Variants in SRGAP3 observed in about 807,000 individuals in gnomAD.
The protein encoded by SRGAP3 is SLIT-ROBO Rho GTPase activating protein 3.
A neutral mutation model predicts 121.1 loss-of-function variants in SRGAP3; 39 were observed. The observed-to-expected ratio is 0.32, with a 90% CI of 0.25 to 0.42. SRGAP3 has a LOEUF of 0.42. Ranked by LOEUF, SRGAP3 falls within the 10% of genes least tolerant of loss-of-function variation. SRGAP3 has a pLI of 1.00. For missense variants in SRGAP3, 1,213 were observed against 1,470.6 expected, an observed-to-expected ratio of 0.82 and a Z score of 2.86; for synonymous variants, 601 against 570.0, an observed-to-expected ratio of 1.05 and a Z score of -0.77.
At chr3:9,251,945 C>T (rs1024378766), upstream of SRGAP3, among the ~76,000 whole-genome samples, 6 of 152,138 alleles carry the variant, frequency 3.9e-5, no homozygotes, top group Non-Finnish European at 7.4e-5. Context: ...GGATCCAACA[C>T]GATCATGGAT....
intron 1 of SRGAP3, among the ~76,000 whole-genome samples, chr3:9,221,675 A>G (rs931114834): frequency 3.3e-5 from 5 of 152,072 alleles, no homozygotes; most frequent in Non-Finnish European, 5.9e-5. Flanking sequence ...CTGATCTCCC[A>G]GTCAGAACTC....
chr3:9,228,223 TA>T (rs1354190071), intron 1 of SRGAP3, among the ~76,000 whole-genome samples: 2 of 152,058 alleles, frequency 1.3e-5, no homozygotes, highest in Non-Finnish European at 2.9e-5. Context: ...CAAGAGCACA[TA>T]CCTTGTCTAA....
chr3:9,190,271 G>A (rs1351280769), intron 1 of SRGAP3, among the ~76,000 whole-genome samples: 1 of 152,214 alleles, frequency 6.6e-6, no homozygotes, highest in Non-Finnish European at 1.5e-5. Flanking sequence ...GATGTCAAAG[G>A]CTGCAGAATA....
intron 18 of SRGAP3, among the ~76,000 whole-genome samples, chr3:9,009,794 T>C (rs1943268189): frequency 6.6e-6 from 1 of 152,090 alleles, no homozygotes; most frequent in Non-Finnish European, 1.5e-5. Context: ...ATCTCCAGGG[T>C]GCCCAATGCA....
chr3:9,173,997 T>C (rs750163078), intron 1 of SRGAP3, among the ~76,000 whole-genome samples: 2 of 150,492 alleles, frequency 1.3e-5, no homozygotes, highest in Non-Finnish European at 3.0e-5. Flanking sequence ...CATCGACGGA[T>C]GGATGGGTCA....
rs1030005174 is a variant in SRGAP3 at position 9,218,050 on chromosome 3, G to T, written c.67+30835C>A. 2.0e-5 allele frequency: 3 copies of T among 151,364 alleles called. No homozygotes were observed. Among genetic ancestry groups the T allele is most frequent in the African/African-American group, 7.3e-5 (3 of 40,892 alleles). The allele number at this position is 151,364 out of a possible 1,614,324, so 9.4% of individuals were successfully genotyped here. ...GATCAAGGGATGTATTATTAGTCCT[G>T]CTAGCCTCCGAACCATTGAGAGTAC... On this transcript the variant is annotated intron_variant, in intron 1 of 21. Coordinates refer to ENST00000383836, the MANE Select transcript of SRGAP3 (RefSeq NM_014850.4). This position sits in a 1 kb window ranked among gnomAD's most constrained non-coding sequence, Gnocchi z 5.3.
chr3:9,165,307 G>A (rs6791724), intron 1 of SRGAP3, among the ~76,000 whole-genome samples: 30,960 of 152,214 alleles, frequency 0.2, 3,852 homozygotes, highest in Admixed American at 0.29. Context: ...GCCCTTCCCA[G>A]GGAAGGCCCC....
chr3:8,998,335 G>A (rs761941064), intron 18 of SRGAP3, among the ~76,000 whole-genome samples: 91 of 152,044 alleles, frequency 6.0e-4, no homozygotes, highest in Non-Finnish European at 4.0e-4. Context: ...GCTATGTGCC[G>A]TTTGCTAATT....
intron 1 of SRGAP3, among the ~76,000 whole-genome samples, chr3:9,243,634 TAA>T (rs34944051): frequency 6.6e-5 from 9 of 137,110 alleles, no homozygotes; most frequent in Non-Finnish European, 7.8e-5. Flanking sequence ...GACTCTGTCT[TAA>T]AAAAAAAAAA....
At chr3:9,301,153 G>C (rs184814846) in intron 3 of SRGAP3, among the ~76,000 whole-genome samples, 2 of 152,314 alleles carry the variant, frequency 1.3e-5, no homozygotes, top group African/African-American at 4.8e-5. Flanking sequence ...TTCCGGCCCT[G>C]ACTTTCTGGG....
At chr3:9,026,506 T>A (rs1229938789) in intron 13 of SRGAP3, among the ~76,000 whole-genome samples, 1 of 152,188 alleles carries the variant, frequency 6.6e-6, no homozygotes, top group South Asian at 2.1e-4. Flanking sequence ...ATCCCAGACA[T>A]CATTATTAGG....
At chr3:9,309,717 G>A (rs1292156568) in intron 3 of SRGAP3, among the ~76,000 whole-genome samples, 1 of 152,134 alleles carries the variant, frequency 6.6e-6, no homozygotes, top group Non-Finnish European at 1.5e-5. Flanking sequence ...AAATCAGACA[G>A]ATGTGAGGGC....
At chr3:9,270,029 G>A (rs1202005532) in intron 3 of SRGAP3, among the ~76,000 whole-genome samples, 1 of 152,106 alleles carries the variant, frequency 6.6e-6, no homozygotes, top group Non-Finnish European at 1.5e-5. Context: ...TACACCCCCA[G>A]AGTTTCTGAT....
intron 1 of SRGAP3, among the ~76,000 whole-genome samples, chr3:9,353,976 C>T (rs2030343826): frequency 1.3e-5 from 2 of 152,132 alleles, no homozygotes; most frequent in South Asian, 4.1e-4. Context: ...CAATGAAACC[C>T]TTGTCTCACA....
At chr3:9,268,886 A>T (rs763321508) in intron 3 of SRGAP3, among the ~76,000 whole-genome samples, 7 of 152,140 alleles carry the variant, frequency 4.6e-5, no homozygotes, top group South Asian at 4.1e-4. Flanking sequence ...AAGTTCTGAT[A>T]TAGGTGCCTC....
chr3:9,133,230 C>G lies in SRGAP3; in HGVS notation c.68-8313G>C, dbSNP rs1465340343. ...GGCACAGTGGCTCATGCCTGTAATC[C>G]CAACACTTTGGGAGGCCGAAGCAGG... is the stretch of plus-strand genomic sequence containing the variant. On this transcript the variant is annotated intron_variant, in intron 1 of 21. Coordinates refer to ENST00000383836, the MANE Select transcript of SRGAP3 (RefSeq NM_014850.4). 3.3e-5 allele frequency among the ~76,000 whole-genome samples: 5 copies of G among 152,010 alleles called. No homozygotes were observed. The East Asian group carries it at 9.7e-4, about 29-fold the overall frequency.
intron 4 of SRGAP3, among the ~76,000 whole-genome samples, chr3:9,065,895 T>C (rs1393002745): frequency 6.6e-6 from 1 of 152,222 alleles, no homozygotes; most frequent in Non-Finnish European, 1.5e-5. Flanking sequence ...ATATATTTAA[T>C]CATATTGGAA....
intron 9 of SRGAP3, among the ~76,000 whole-genome samples, chr3:9,050,129 G>A (rs1945498788): frequency 6.6e-6 from 1 of 152,200 alleles, no homozygotes; most frequent in Admixed American, 6.5e-5. Flanking sequence ...ATGAGCCACT[G>A]CGCCTGGCTG....
chr3:9,074,508 A>C (rs1317540869), intron 4 of SRGAP3, among the ~76,000 whole-genome samples: 4 of 152,180 alleles, frequency 2.6e-5, no homozygotes, highest in African/African-American at 9.7e-5. Context: ...GAACTTAAAA[A>C]GGGAGGGGAG....
Sources: allele counts gnomAD v4.1 joint callset (sites outside exome capture counted in the v4.1 genomes callset), GRCh38; gene constraint gnomAD v4.1.1; non-coding constraint Gnocchi (gnomAD v3.1); transcripts MANE v1.5; gene names NCBI Gene and HGNC (gene_info 2026-07-23, HGNC 2026-07-21).